Variants in PTPRD observed in about 807,000 individuals in gnomAD.
PTPRD encodes the protein receptor-type tyrosine-protein phosphatase delta.
In PTPRD, 34 loss-of-function variants were observed where a neutral mutation model predicts 214.5. That is an observed-to-expected ratio of 0.16 (90% confidence interval 0.12 to 0.21). The LOEUF is 0.21. PTPRD is among the 10% of genes least tolerant of loss of function. The pLI, the probability that PTPRD is intolerant of heterozygous loss-of-function variation, is 1.00. For synonymous variants in PTPRD, 1,128 were observed against 845.7 expected (o/e 1.33, Z -5.79); for missense variants, 2,545 against 2,398.7 (o/e 1.06, Z -1.27).
At chr9:8,497,093 T>C in intron 26 of PTPRD, 149 bp downstream of exon 26, 3 of 657,208 alleles carry the variant, frequency 4.6e-6, no homozygotes, top group Non-Finnish European at 7.6e-6. Context: ...AAATAAAAAG[T>C]GCACCACACA....
At position 8,561,128 on chromosome 9, in the gene PTPRD, G is replaced by A. The variant is rs533169401; in HGVS notation, c.353-32349C>T. The stretch of plus-strand genomic sequence containing the variant: ...CCATTTGTTGCACTTTGTTCTGATT[G>A]ATCCCCACCCTTCATGTATTTTACT... On this transcript the variant is annotated intron_variant, in intron 14 of 45. Transcript: ENST00000381196. 2.5e-4 allele frequency among the ~76,000 whole-genome samples: 38 copies of A among 152,208 alleles called. 1 individual carries two copies. In the South Asian group the frequency reaches 7.7e-3, roughly 31 times the overall value.
chr9:9,840,224 G>C (rs1003259768), intron 5 of PTPRD, among the ~76,000 whole-genome samples: 4 of 151,880 alleles, frequency 2.6e-5, no homozygotes, highest in Non-Finnish European at 5.9e-5. Context: ...TTTTTGTAGA[G>C]ATGGGGTTTT....
At chr9:10,161,363 G>A (rs776776335) in intron 3 of PTPRD, among the ~76,000 whole-genome samples, 6 of 151,754 alleles carry the variant, frequency 4.0e-5, no homozygotes, top group Non-Finnish European at 7.4e-5. Flanking sequence ...CATCAATGGA[G>A]CAGAATAGAG....
intron 11 of PTPRD, among the ~76,000 whole-genome samples, chr9:9,004,073 T>G (rs1339975365): frequency 6.6e-6 from 1 of 152,060 alleles, no homozygotes; most frequent in East Asian, 1.9e-4. Flanking sequence ...AATCTTTTTG[T>G]GTTCTCACAG....
At chr9:9,343,124 G>A (rs551120374) in intron 9 of PTPRD, among the ~76,000 whole-genome samples, 1 of 152,206 alleles carries the variant, frequency 6.6e-6, no homozygotes, top group East Asian at 1.9e-4. Context: ...TCTTCATCCA[G>A]TCTATCACTG....
At chr9:9,105,432 T>C (rs1214892537) in intron 10 of PTPRD, among the ~76,000 whole-genome samples, 3 of 152,208 alleles carry the variant, frequency 2.0e-5, no homozygotes, top group Non-Finnish European at 4.4e-5. Flanking sequence ...TTGATAAAAA[T>C]TGAGAAAATG....
chr9:10,181,942 T>TAAAAAAAAAAAAAAAAA (rs3075573), intron 3 of PTPRD, among the ~76,000 whole-genome samples: 2 of 38,510 alleles, frequency 5.2e-5, no homozygotes, highest in African/African-American at 8.3e-5. Flanking sequence ...TCATAAATAC[T>TAAAAAAAAAAAAAAAAA]AAAAAAAAAA....
chr9:9,711,998 T>C (rs1221662732), intron 7 of PTPRD, among the ~76,000 whole-genome samples: 1 of 152,216 alleles, frequency 6.6e-6, no homozygotes, highest in Non-Finnish European at 1.5e-5. Flanking sequence ...ACATAATTTT[T>C]CCTTTAGCAT....
chr9:10,087,934 C>A (rs1422612991), intron 3 of PTPRD, among the ~76,000 whole-genome samples: 1 of 151,652 alleles, frequency 6.6e-6, no homozygotes, highest in Non-Finnish European at 1.5e-5. Flanking sequence ...AATACAGGGT[C>A]TAGTTTTTGG....
At chr9:10,045,211 T>A (rs1344380739) in intron 3 of PTPRD, among the ~76,000 whole-genome samples, 1 of 151,786 alleles carries the variant, frequency 6.6e-6, no homozygotes, top group Non-Finnish European at 1.5e-5. Context: ...AGTATCCCTT[T>A]ATTAACAGGC....
At chr9:10,081,357 G>A (rs1260774783) in intron 3 of PTPRD, among the ~76,000 whole-genome samples, 1 of 152,034 alleles carries the variant, frequency 6.6e-6, no homozygotes, top group East Asian at 1.9e-4. Flanking sequence ...GGTTACAATT[G>A]GACTGAACGC....
intron 45 of PTPRD, among the ~76,000 whole-genome samples, chr9:8,319,506 T>C (rs1490584702): frequency 1.3e-5 from 2 of 151,794 alleles, no homozygotes; most frequent in Admixed American, 6.6e-5. Context: ...TTATGCTTTC[T>C]ATATATTTAT....
chr9:8,814,271 G>C (rs148931558), intron 11 of PTPRD, among the ~76,000 whole-genome samples: 181 of 152,226 alleles, frequency 1.2e-3, no homozygotes, highest in African/African-American at 3.9e-3. Flanking sequence ...CTGCATATAT[G>C]GTAATTTCAT....
intron 3 of PTPRD, among the ~76,000 whole-genome samples, chr9:10,173,875 T>C (rs1356102945): frequency 6.6e-6 from 1 of 151,948 alleles, no homozygotes; most frequent in African/African-American, 2.4e-5. Flanking sequence ...AAACCTTGAA[T>C]GTTAAATTTT....
intron 4 of PTPRD, among the ~76,000 whole-genome samples, chr9:9,965,096 ACAACGACACACAGAGTC>A (rs2094593666): frequency 6.6e-6 from 1 of 152,188 alleles, no homozygotes. Flanking sequence ...ACAAACACAC[ACAACGACACACAGAGTC>A]CAAATTAGCA....
At chr9:8,813,622 C>T (rs576774093) in intron 11 of PTPRD, among the ~76,000 whole-genome samples, 1 of 152,294 alleles carries the variant, frequency 6.6e-6, no homozygotes, top group East Asian at 1.9e-4. Flanking sequence ...ATCCTCCCGC[C>T]TCGGCCTCCT....
Position 8,852,938 on chromosome 9 carries a change from G to C in PTPRD, c.-103-118992C>G, listed in dbSNP as rs535148089. Among the ~76,000 whole-genome samples, 151 of 152,246 alleles carry C rather than the reference G, an allele frequency of 9.9e-4. 1 individual carries two copies. The highest frequency in any genetic ancestry group is 3.5e-3 in the African/African-American group (145 of 41,564). Reference sequence around the variant, plus strand: ...GGGAGGCACTGCAGGCATTGTTTTAGTCCATTTTTTTCCCTGTGAGTTGCT... The same window carrying C: ...GGGAGGCACTGCAGGCATTGTTTTACTCCATTTTTTTCCCTGTGAGTTGCT... On this transcript the variant is annotated intron_variant, in intron 11 of 45. Transcript: ENST00000381196.
intron 3 of PTPRD, among the ~76,000 whole-genome samples, chr9:10,102,462 A>G (rs930280635): frequency 2.0e-5 from 3 of 151,638 alleles, no homozygotes; most frequent in Admixed American, 2.0e-4. Flanking sequence ...ACTAATGTCA[A>G]TATTATTATT....
intron 10 of PTPRD, among the ~76,000 whole-genome samples, chr9:9,068,057 A>G (rs2099737703): frequency 6.6e-6 from 1 of 152,220 alleles, no homozygotes; most frequent in Non-Finnish European, 1.5e-5. Flanking sequence ...TTGTCATTAA[A>G]AAATTATATA....
Sources: allele counts gnomAD v4.1 joint callset (sites outside exome capture counted in the v4.1 genomes callset), GRCh38; gene constraint gnomAD v4.1.1; transcripts MANE v1.5; gene names NCBI Gene and HGNC (gene_info 2026-07-23, HGNC 2026-07-21).